Variants in MLXIPL observed in about 807,000 individuals in gnomAD.
The protein encoded by MLXIPL is MLX interacting protein like.
A neutral mutation model predicts 81.5 loss-of-function variants in MLXIPL; 49 were observed. That is an observed-to-expected ratio of 0.60 (90% CI 0.48 to 0.76). The LOEUF is 0.76. Among genes scored for constraint, MLXIPL ranks in the 30% least tolerant of loss-of-function variants. MLXIPL has a pLI of 0.00. For missense variants in MLXIPL, 1,053 were observed against 1,167.0 expected (o/e 0.90, Z 1.42); for synonymous variants, 466 against 485.5 (o/e 0.96, Z 0.53).
In MLXIPL at chr7:73,593,755, A is replaced by G; in HGVS notation, c.*110T>C. The G allele has an allele frequency of 1.0e-6, 1 of 992,516 alleles. No individual in the cohort carries two copies. Among genetic ancestry groups the G allele is most frequent in the Non-Finnish European group, 1.6e-6 (1 of 620,214 alleles). 61.5% of individuals were successfully genotyped at this position (992,516 alleles called of 1,614,324 possible). A position where few individuals can be genotyped will look rare whatever the true frequency, so the allele number is the denominator to read the frequency against. On this transcript the variant is annotated 3_prime_UTR_variant, in exon 17 of 17. Coordinates refer to ENST00000313375, the MANE Select transcript of MLXIPL (RefSeq NM_032951.3). ...CCTGCTCCACCCCCCAGGGAAGGGC[A>G]GAGCCAGGGCCTGGGGCAGGAAGGG...
chr7:73,615,934 A>AT (rs1554600631), intron 2 of MLXIPL, 137 bp downstream of exon 2: 8 of 597,060 alleles, frequency 1.3e-5, no homozygotes, highest in Non-Finnish European at 2.4e-5. Context: ...AAAAAAAAAA[A>AT]GGTTGGCAGA....
At chr7:73,635,532 C>A in the MLXIPL span, among the ~76,000 whole-genome samples, 1 of 151,494 alleles carries the variant, frequency 6.6e-6, no homozygotes, top group Admixed American at 6.6e-5. Flanking sequence ...CCCATCTCTT[C>A]TTCCATCCAT....
At chr7:73,607,698 G>A (rs1554598812) in intron 2 of MLXIPL, 26 bp from the exon 3 acceptor site, 1 of 1,605,870 alleles carries the variant, frequency 6.2e-7, no homozygotes. Context: ...CAGGTCAGGG[G>A]CACCCAGCTT....
chr7:73,597,826 T>G, intron 8 of MLXIPL, 113 bp from the exon 9 acceptor site: 1 of 657,348 alleles, frequency 1.5e-6, no homozygotes, highest in Non-Finnish European at 2.2e-6. Context: ...ACTGGGGCCC[T>G]GGGGAGAGAT....
At chr7:73,641,551 C>A in the MLXIPL span, among the ~76,000 whole-genome samples, 83 of 152,254 alleles carry the variant, frequency 5.5e-4, no homozygotes, top group African/African-American at 1.9e-3. Flanking sequence ...CGTATACCAG[C>A]AAATGGTGTT....
the MLXIPL span, among the ~76,000 whole-genome samples, chr7:73,643,424 G>C: frequency 6.6e-6 from 1 of 151,614 alleles, no homozygotes; most frequent in Admixed American, 6.6e-5. Flanking sequence ...TGAGGCAGGA[G>C]AATGGCGTGA....
intron 1 of MLXIPL, among the ~76,000 whole-genome samples, chr7:73,621,913 CCTCCATCTCCCTCT>C (rs1321397322): frequency 6.7e-5 from 8 of 119,230 alleles, no homozygotes; most frequent in Non-Finnish European, 1.1e-4. Flanking sequence ...TCCCTCCCTC[CCTCCATCTCCCTCT>C]CTCCATCTCC....
chr7:73,596,866 G>A lies in MLXIPL; in HGVS notation c.1670C>T (p.Pro557Leu), dbSNP rs374933053. The change falls in exon 10 of 17, where the codon CCG (proline) becomes CTG (leucine). Residue 557 changes from proline to leucine, a missense_variant and splice_region_variant. Physicochemically the swap from Pro to Leu is moderately conservative, Grantham distance 98. Coordinates refer to ENST00000313375, the MANE Select transcript of MLXIPL (RefSeq NM_032951.3). The surrounding 1 kb of genome is among the most constrained non-coding windows in gnomAD (Gnocchi z 4.7). ...SSTLLRSPGS[P>L]QETVPEFPCT... is the part of the protein sequence containing the mutation. ...ACCGCCCAGTGCCCGAGATCTTACCGGGGACCCTGGGGACCGGAGGAGGGT... is the reference window on the plus strand; with the variant it reads ...ACCGCCCAGTGCCCGAGATCTTACCAGGGACCCTGGGGACCGGAGGAGGGT... The A allele has an allele frequency of 5.2e-5, 84 of 1,611,046 alleles. No homozygotes were observed. The highest frequency in any genetic ancestry group is 2.9e-4 in the East Asian group (13 of 44,840).
At chr7:73,594,559 T>A (rs1554593053) in intron 15 of MLXIPL, among the ~76,000 whole-genome samples, 156 bp from the exon 16 acceptor site, 1 of 152,068 alleles carries the variant, frequency 6.6e-6, no homozygotes, top group Admixed American at 6.5e-5. Context: ...TCTTCTTTTT[T>A]TTTTTTTGAG....
the MLXIPL span, among the ~76,000 whole-genome samples, chr7:73,635,195 C>T: frequency 2.6e-5 from 4 of 152,016 alleles, no homozygotes; most frequent in Admixed American, 1.3e-4. Context: ...ATACAAATAC[C>T]AAGTCCTGTG....
chr7:73,595,296 G>A (rs1794185270), intron 15 of MLXIPL, among the ~76,000 whole-genome samples: 1 of 152,096 alleles, frequency 6.6e-6, no homozygotes, highest in Non-Finnish European at 1.5e-5. Flanking sequence ...TGACCCCTGA[G>A]CCAGATCAGG....
At chr7:73,647,417 G>A in the MLXIPL span, among the ~76,000 whole-genome samples, 1 of 152,120 alleles carries the variant, frequency 6.6e-6, no homozygotes, top group African/African-American at 2.4e-5. Flanking sequence ...CTGACTCCCT[G>A]GGCCCCCTCT....
At chr7:73,644,650 C>A in the MLXIPL span, among the ~76,000 whole-genome samples, 1 of 152,206 alleles carries the variant, frequency 6.6e-6, no homozygotes, top group Non-Finnish European at 1.5e-5. Flanking sequence ...TTCCTCCCCC[C>A]AGCCCGCCCT....
At position 73,611,962 on chromosome 7, in the gene MLXIPL, T is replaced by C. The variant is rs540448735; in HGVS notation, c.400+4109A>G. Reference sequence around the variant, plus strand: ...GTGCATAGACTCCCAGGGGGCTAGATAAGGAAGGAGGGTCTCAAAGTGTGT... The same window carrying C: ...GTGCATAGACTCCCAGGGGGCTAGACAAGGAAGGAGGGTCTCAAAGTGTGT... On this transcript the variant is annotated intron_variant, in intron 2 of 16. Coordinates refer to ENST00000313375, the MANE Select transcript of MLXIPL (RefSeq NM_032951.3). 9.2e-5 allele frequency among the ~76,000 whole-genome samples: 14 copies of C among 152,180 alleles called. No homozygotes were observed. The East Asian group carries it at 2.3e-3, about 25-fold the overall frequency.
chr7:73,630,541 C>T, the MLXIPL span, among the ~76,000 whole-genome samples: 1 of 152,164 alleles, frequency 6.6e-6, no homozygotes, highest in African/African-American at 2.4e-5. Flanking sequence ...AATCCTCCTG[C>T]CTTGGTCTCC....
chr7:73,628,738 G>C (rs35340690), upstream of MLXIPL, among the ~76,000 whole-genome samples: 43,221 of 152,188 alleles, frequency 0.28, 6,436 homozygotes, highest in African/African-American at 0.36. Flanking sequence ...GCTGGCTCAC[G>C]CTCTTGCTGC....
At chr7:73,607,075 C>T (rs1795339630) in intron 4 of MLXIPL, 57 bp from the exon 5 acceptor site, 12 of 1,588,320 alleles carry the variant, frequency 7.6e-6, no homozygotes, top group South Asian at 5.7e-5. Flanking sequence ...CCATCACTTT[C>T]CCCCCAAAGT....
chr7:73,607,704 A>G (rs1419569687), intron 2 of MLXIPL, 32 bp from the exon 3 acceptor site: 13 of 1,592,064 alleles, frequency 8.2e-6, no homozygotes, highest in Admixed American at 3.3e-5. Flanking sequence ...AGGGGCACCC[A>G]GCTTCCTCAT....
At position 73,596,584 on chromosome 7, in the gene MLXIPL, C is replaced by T. The variant is rs1332329758; in HGVS notation, c.1822+55G>A. 1.1e-5 allele frequency: 18 copies of T among 1,600,132 alleles called. No individual in the cohort carries two copies. The highest frequency in any genetic ancestry group is 1.4e-5 in the Non-Finnish European group (16 of 1,173,590). On this transcript the variant is annotated intron_variant, in intron 11 of 16. Coordinates refer to ENST00000313375, the MANE Select transcript of MLXIPL (RefSeq NM_032951.3). This position sits in a 1 kb window ranked among gnomAD's most constrained non-coding sequence, Gnocchi z 4.7. The stretch of plus-strand genomic sequence containing the variant: ...CCCAGACCCAGTCCCCTTCTTCTTC[C>T]TCCTCTTCCCCTCATCCCCTAGATT...
Sources: allele counts gnomAD v4.1 joint callset (sites outside exome capture counted in the v4.1 genomes callset), GRCh38; gene constraint gnomAD v4.1.1; non-coding constraint Gnocchi (gnomAD v3.1); transcripts MANE v1.5; gene names NCBI Gene and HGNC (gene_info 2026-07-23, HGNC 2026-07-21).